PYHIN1: variants seen among roughly 807,000 people sequenced by gnomAD.
PYHIN1 encodes pyrin and HIN domain family member 1.
PYHIN1 carries 32 observed loss-of-function variants against 43.7 expected under a neutral mutation model. That is an observed-to-expected ratio of 0.73 (90% CI 0.55 to 0.98). PYHIN1 has a LOEUF of 0.98. Ranked by LOEUF, PYHIN1 falls within the 50% of genes least tolerant of loss-of-function variation. The pLI, the probability that PYHIN1 is intolerant of heterozygous loss-of-function variation, is 0.00. For missense variants in PYHIN1, 588 were observed against 589.5 expected (o/e 1.00, Z 0.03); for synonymous variants, 205 against 203.1 (o/e 1.01, Z -0.08).
chr1:158,949,637 G>GT (rs1451873092), intron 7 of PYHIN1, among the ~76,000 whole-genome samples: 1 of 148,938 alleles, frequency 6.7e-6, no homozygotes, highest in African/African-American at 2.5e-5. Flanking sequence ...GCACTGTTTG[G>GT]TTTTTTGTTC....
intron 7 of PYHIN1, among the ~76,000 whole-genome samples, chr1:158,948,387 C>A (rs1415390034): frequency 1.3e-5 from 2 of 152,108 alleles, no homozygotes; most frequent in Admixed American, 6.6e-5. Flanking sequence ...AAAGGTTTCC[C>A]AGAGGTGTTG....
At chr1:158,958,954 A>G (rs1329096966) in intron 7 of PYHIN1, among the ~76,000 whole-genome samples, 1 of 151,560 alleles carries the variant, frequency 6.6e-6, no homozygotes, top group African/African-American at 2.4e-5. Flanking sequence ...ATACTTTTAT[A>G]TACTGTTTCT....
intron 7 of PYHIN1, among the ~76,000 whole-genome samples, chr1:158,956,023 A>G (rs1207335934): frequency 0.014 from 1,834 of 130,622 alleles, 11 homozygotes; most frequent in Middle Eastern, 0.028. Flanking sequence ...TAAATTCCTC[A>G]ACACATACAC....
Position 158,933,740 on chromosome 1 carries a change from C to T in PYHIN1, c.-21+1964C>T, listed in dbSNP as rs1459580827. On this transcript the variant is annotated intron_variant, in intron 1 of 8. Coordinates refer to ENST00000368140, the MANE Select transcript of PYHIN1 (RefSeq NM_152501.5). This position sits in a 1 kb window ranked among gnomAD's most constrained non-coding sequence, Gnocchi z 6.3. ...TCCATCTCACCCTTTAAGACAATTA[C>T]ATTAGTAAACTCATATTCTTTTTCT... Among the ~76,000 whole-genome samples the T allele has an allele frequency of 6.6e-6, 1 of 151,994 alleles. No individual in the cohort carries two copies. Among genetic ancestry groups the T allele is most frequent in the Non-Finnish European group, 1.5e-5 (1 of 67,946 alleles).
At chr1:158,953,695 TCTC>T (rs1649732045) in intron 7 of PYHIN1, among the ~76,000 whole-genome samples, 1 of 152,066 alleles carries the variant, frequency 6.6e-6, no homozygotes, top group Non-Finnish European at 1.5e-5. Context: ...ACACAGTGCC[TCTC>T]CTCCTCCAAA....
Position 158,952,470 on chromosome 1 carries a change from G to A in PYHIN1, c.1359+7428G>A, listed in dbSNP as rs1019165666. Among the ~76,000 whole-genome samples the A allele has an allele frequency of 2.0e-5, 3 of 152,108 alleles. No homozygotes were observed. In the East Asian group the frequency reaches 5.8e-4, roughly 29 times the overall value. ...CCCTTTTAATGCCGCTTAAGACAGGGTTCCATACCTAGAGCATATCCCATT... is the reference window on the plus strand; with the variant it reads ...CCCTTTTAATGCCGCTTAAGACAGGATTCCATACCTAGAGCATATCCCATT... On this transcript the variant is annotated intron_variant, in intron 7 of 8. Transcript: ENST00000368140.
At chr1:158,955,433 T>C (rs1396730531) in intron 7 of PYHIN1, among the ~76,000 whole-genome samples, 14 of 151,148 alleles carry the variant, frequency 9.3e-5, no homozygotes, top group African/African-American at 3.4e-4. Context: ...AAACTAGAAC[T>C]CAGGATTAAG....
chr1:158,981,004 C>T (rs1651467517), downstream of PYHIN1, among the ~76,000 whole-genome samples: 1 of 152,116 alleles, frequency 6.6e-6, no homozygotes, highest in Non-Finnish European at 1.5e-5. Flanking sequence ...TTTGTACTGT[C>T]TTTATTTCTC....
At chr1:158,982,553 T>C in the PYHIN1 span, among the ~76,000 whole-genome samples, 3 of 152,300 alleles carry the variant, frequency 2.0e-5, no homozygotes, top group Admixed American at 6.5e-5. Flanking sequence ...CTTTGTAGTA[T>C]AGTTTGAATT....
At chr1:158,950,799 GGT>G (rs1244550642) in intron 7 of PYHIN1, among the ~76,000 whole-genome samples, 3 of 152,154 alleles carry the variant, frequency 2.0e-5, no homozygotes, top group Non-Finnish European at 4.4e-5. Flanking sequence ...TGTCTTTGGG[GGT>G]TATATGGGAT....
At chr1:158,963,610 G>T (rs1420111492) in intron 7 of PYHIN1, among the ~76,000 whole-genome samples, 1 of 152,132 alleles carries the variant, frequency 6.6e-6, no homozygotes, top group Non-Finnish European at 1.5e-5. Context: ...CTACCTACTG[G>T]CCAATACACT....
rs755500021 is a variant in PYHIN1 at position 158,973,740 on chromosome 1, A to AC, written c.1455dup (p.Asn486GlnfsTer19). 6.2e-7 allele frequency: 1 copy of AC among 1,613,102 alleles called. No homozygotes were observed. The highest frequency in any genetic ancestry group is 8.5e-7 in the Non-Finnish European group (1 of 1,179,430). On this transcript the variant is annotated frameshift_variant, in exon 8 of 9. Transcript: ENST00000368140. LOFTEE classifies it high-confidence loss of function. ...CCCTCCTCTTTCTTCTGACACTTCC[A>AC]CCAACCGCCATCCAGCAGTTCCTTA...
intron 7 of PYHIN1, among the ~76,000 whole-genome samples, chr1:158,953,025 G>A (rs374497805): frequency 1.2e-4 from 18 of 152,192 alleles, no homozygotes; most frequent in African/African-American, 3.1e-4. Flanking sequence ...ACTCCCACCC[G>A]AATATTGCGC....
chr1:158,979,264 A>G (rs1651402938), downstream of PYHIN1, among the ~76,000 whole-genome samples: 1 of 152,200 alleles, frequency 6.6e-6, no homozygotes, highest in East Asian at 1.9e-4. Context: ...TTCATCTGGC[A>G]TATCTGAAGT....
intron 7 of PYHIN1, among the ~76,000 whole-genome samples, chr1:158,952,283 G>C (rs1452782670): frequency 2.6e-5 from 4 of 151,910 alleles, no homozygotes; most frequent in Non-Finnish European, 5.9e-5. Flanking sequence ...CTGCGGATTT[G>C]TGAGCTTCCC....
intron 7 of PYHIN1, among the ~76,000 whole-genome samples, chr1:158,963,273 G>A (rs774354862): frequency 9.2e-5 from 14 of 152,120 alleles, no homozygotes; most frequent in East Asian, 5.8e-4. Flanking sequence ...TGACCCACCC[G>A]TAGCCCTGCT....
intron 1 of PYHIN1, among the ~76,000 whole-genome samples, chr1:158,932,930 T>C (rs186632412): frequency 1.3e-5 from 2 of 152,160 alleles, no homozygotes; most frequent in East Asian, 1.9e-4. Context: ...TATAGCCTGG[T>C]GCAATATCTC....
chr1:158,939,033 T>A, intron 3 of PYHIN1, 47 bp from the exon 4 acceptor site: 1 of 1,419,392 alleles, frequency 7.0e-7, no homozygotes, highest in Non-Finnish European at 9.5e-7. Context: ...GTGCTCTGCT[T>A]CATTTGACAC....
intron 7 of PYHIN1, among the ~76,000 whole-genome samples, chr1:158,971,157 G>C (rs578078118): frequency 2.0e-5 from 3 of 151,950 alleles, no homozygotes; most frequent in African/African-American, 7.2e-5. Context: ...GCTAGGGTTT[G>C]TTGTCCTCAC....
Sources: gnomAD v4.1 joint callset for allele counts (sites outside exome capture counted in the v4.1 genomes callset) on GRCh38, gnomAD v4.1.1 for gene constraint, Gnocchi (gnomAD v3.1) non-coding constraint, MANE v1.5 for transcripts, NCBI Gene and HGNC (gene_info 2026-07-23, HGNC 2026-07-21) for gene names.